Variants in PCCA observed in about 807,000 individuals in gnomAD.
PCCA encodes the protein propionyl-CoA carboxylase alpha chain, mitochondrial.
A neutral mutation model predicts 101.3 loss-of-function variants in PCCA; 74 were observed. The ratio of observed to expected loss-of-function variants is 0.73; its 90% CI spans 0.61 to 0.89. The LOEUF (loss-of-function observed/expected upper bound fraction) is 0.89, where lower values mean the gene tolerates loss of function less well. PCCA is among the 40% of genes least tolerant of loss of function. The pLI is 0.00. For missense variants in PCCA, 891 were observed against 907.0 expected, an observed-to-expected ratio of 0.98 and a Z score of 0.23; for synonymous variants, 294 against 313.6, an observed-to-expected ratio of 0.94 and a Z score of 0.66.
chr13:100,458,996 G>A (rs1280603396), intron 21 of PCCA, among the ~76,000 whole-genome samples: 1 of 152,106 alleles, frequency 6.6e-6, no homozygotes, highest in Non-Finnish European at 1.5e-5. Flanking sequence ...GGCAGGGTTG[G>A]CGCCTCCCTA....
At chr13:100,372,020 A>G (rs1836525789) in intron 19 of PCCA, among the ~76,000 whole-genome samples, 1 of 152,214 alleles carries the variant, frequency 6.6e-6, no homozygotes, top group Non-Finnish European at 1.5e-5. Flanking sequence ...ACCTAAATGT[A>G]AGAGCTAATG....
At chr13:100,198,906 A>G (rs952788398) in intron 6 of PCCA, among the ~76,000 whole-genome samples, 1 of 127,070 alleles carries the variant, frequency 7.9e-6, no homozygotes. Context: ...ATAAGAATGT[A>G]CTTTACAATT....
chr13:100,097,458 AC>A (rs1487550384), intron 1 of PCCA, among the ~76,000 whole-genome samples: 1 of 151,980 alleles, frequency 6.6e-6, no homozygotes, highest in Non-Finnish European at 1.5e-5. Flanking sequence ...AGTGGCTCAC[AC>A]CTGTAATCCC....
At chr13:100,422,275 G>A (rs867954987) in intron 19 of PCCA, among the ~76,000 whole-genome samples, 28 of 151,272 alleles carry the variant, frequency 1.9e-4, no homozygotes, top group African/African-American at 5.6e-4. Flanking sequence ...CTGAGACTAC[G>A]GGCACTGGCC....
intron 7 of PCCA, among the ~76,000 whole-genome samples, chr13:100,224,886 T>G (rs1490100771): frequency 1.3e-5 from 2 of 152,156 alleles, no homozygotes; most frequent in African/African-American, 4.8e-5. Context: ...ACTGCAGATT[T>G]GTAGTATGAG....
At chr13:100,511,377 G>A (rs1410419851) in intron 21 of PCCA, among the ~76,000 whole-genome samples, 5 of 152,216 alleles carry the variant, frequency 3.3e-5, no homozygotes, top group South Asian at 2.1e-4. Context: ...AGAGCTTAAT[G>A]TTGGAGACCT....
Position 100,433,977 on chromosome 13 carries a change from G to A in PCCA, c.1845+8246G>A, listed in dbSNP as rs758393331. 7.9e-5 allele frequency among the ~76,000 whole-genome samples: 12 copies of A among 152,248 alleles called. No homozygotes were observed. The South Asian group carries it at 1.2e-3, about 16-fold the overall frequency. On this transcript the variant is annotated intron_variant, in intron 20 of 23. Transcript: ENST00000376285. ...TAGGTTTAATGAAGAATGGGCAGCC[G>A]TGTAAAACTGATGGGACAAAGAATG...
At chr13:100,155,960 T>C (rs530455789) in intron 5 of PCCA, among the ~76,000 whole-genome samples, 14 of 152,354 alleles carry the variant, frequency 9.2e-5, no homozygotes, top group African/African-American at 7.2e-5. Context: ...AAAATAAATA[T>C]GTAGTTGAGT....
chr13:100,244,907 T>G lies in PCCA; in HGVS notation c.637+9029T>G, dbSNP rs377624511. ...GTTTATATAGTTATTTGTATATATG[T>G]GTATGACAGACTGAGGAAAGGCTGT... On this transcript the variant is annotated intron_variant, in intron 8 of 23. Coordinates refer to ENST00000376285, the MANE Select transcript of PCCA (RefSeq NM_000282.4). 9.6e-4 allele frequency among the ~76,000 whole-genome samples: 144 copies of G among 149,404 alleles called. 4 individuals are homozygous for G. The South Asian group carries it at 0.028, about 29-fold the overall frequency.
chr13:100,302,492 TC>T (rs1306386937), intron 13 of PCCA, among the ~76,000 whole-genome samples: 2 of 152,150 alleles, frequency 1.3e-5, no homozygotes, highest in Non-Finnish European at 2.9e-5. Flanking sequence ...GTTTTTTTTT[TC>T]AGGTCTTTAT....
rs754307318 is a variant in PCCA at position 100,452,226 on chromosome 13, T to A, written c.1899+2921T>A. Among the ~76,000 whole-genome samples, 93 of 151,016 alleles carry A rather than the reference T, an allele frequency of 6.2e-4. 1 individual carries two copies. Among genetic ancestry groups the A allele is most frequent in the Admixed American group, 6.1e-3 (92 of 15,118 alleles). ...TCTTCTCTCTCTCTCCTTTTCTCTT[T>A]TCCCCATCTGTCTCTCCCTGTCTCC... On this transcript the variant is annotated intron_variant, in intron 21 of 23. Coordinates refer to ENST00000376285, the MANE Select transcript of PCCA (RefSeq NM_000282.4).
rs574594424 is a variant in PCCA at position 100,334,589 on chromosome 13, A to G, written c.1540+3918A>G. On this transcript the variant is annotated intron_variant, in intron 17 of 23. Coordinates refer to ENST00000376285, the MANE Select transcript of PCCA (RefSeq NM_000282.4). ...ACACTTAAAAATACTGAATTAGAGG[A>G]GAAAGACTTAATGAACTAAAAAACT... is the stretch of plus-strand genomic sequence containing the variant. Among the ~76,000 whole-genome samples the G allele has an allele frequency of 2.6e-5, 4 of 152,364 alleles. No individual in the cohort carries two copies. In the East Asian group the frequency reaches 7.7e-4, roughly 29 times the overall value.
chr13:100,214,609 G>T (rs920845621), intron 7 of PCCA, among the ~76,000 whole-genome samples: 1 of 151,894 alleles, frequency 6.6e-6, no homozygotes, highest in Non-Finnish European at 1.5e-5. Flanking sequence ...TTTGTTTTTA[G>T]TAGAGACGGG....
chr13:100,091,137 A>AC (rs2046243895), intron 1 of PCCA, among the ~76,000 whole-genome samples: 1 of 115,864 alleles, frequency 8.6e-6, no homozygotes, highest in Admixed American at 9.2e-5. Context: ...GAGTCAGACC[A>AC]TCTGGCTCTT....
intron 6 of PCCA, among the ~76,000 whole-genome samples, chr13:100,197,540 G>T (rs929132506): frequency 6.6e-6 from 1 of 152,086 alleles, no homozygotes; most frequent in African/African-American, 2.4e-5. Context: ...TGTCTCCCAG[G>T]TTCAATAGAT....
intron 21 of PCCA, among the ~76,000 whole-genome samples, chr13:100,504,038 G>T (rs531803408): frequency 3.3e-5 from 5 of 152,328 alleles, no homozygotes; most frequent in Non-Finnish European, 7.3e-5. Flanking sequence ...AGGGGAGTGG[G>T]ATTAGATGTG....
At chr13:100,093,850 G>T (rs967469866) in intron 1 of PCCA, among the ~76,000 whole-genome samples, 3 of 151,682 alleles carry the variant, frequency 2.0e-5, no homozygotes, top group African/African-American at 4.8e-5. Flanking sequence ...GAGGAGGGAG[G>T]ATCACTTGAG....
chr13:100,196,929 G>A (rs2058141167), intron 6 of PCCA, among the ~76,000 whole-genome samples: 1 of 152,138 alleles, frequency 6.6e-6, no homozygotes, highest in African/African-American at 2.4e-5. Flanking sequence ...TATAAATGTA[G>A]TAGGTGAGAG....
At chr13:100,176,005 A>G (rs780828882) in intron 6 of PCCA, among the ~76,000 whole-genome samples, 17 of 152,192 alleles carry the variant, frequency 1.1e-4, no homozygotes, top group Non-Finnish European at 2.4e-4. Context: ...GCCAAGTCTG[A>G]TCGTTATGCA....
Sources: allele counts gnomAD v4.1 joint callset (sites outside exome capture counted in the v4.1 genomes callset), GRCh38; gene constraint gnomAD v4.1.1; transcripts MANE v1.5; gene names NCBI Gene and HGNC (gene_info 2026-07-23, HGNC 2026-07-21).